TIAM2: variants seen among roughly 807,000 people sequenced by gnomAD.
TIAM2 encodes the protein rho guanine nucleotide exchange factor TIAM2.
TIAM2 carries 80 observed loss-of-function variants against 152.9 expected under a neutral mutation model. That is an observed-to-expected ratio of 0.52 (90% confidence interval 0.44 to 0.63). TIAM2 has a LOEUF of 0.63. Ranked by LOEUF, TIAM2 falls within the 30% of genes least tolerant of loss-of-function variation. TIAM2 has a pLI of 0.00. For missense variants in TIAM2, 1,965 were observed against 2,120.1 expected (o/e 0.93, Z 1.44); for synonymous variants, 804 against 838.0 (o/e 0.96, Z 0.70).
chr6:155,020,984 G>A (rs1335536515), intron 1 of TIAM2, among the ~76,000 whole-genome samples: 1 of 152,094 alleles, frequency 6.6e-6, no homozygotes, highest in Non-Finnish European at 1.5e-5. Flanking sequence ...TACAGTATTT[G>A]TTCTTTTGTG....
At chr6:155,235,726 TGTG>T (rs1400456255) in intron 15 of TIAM2, among the ~76,000 whole-genome samples, 1 of 152,236 alleles carries the variant, frequency 6.6e-6, no homozygotes, top group Non-Finnish European at 1.5e-5. Context: ...AACACTTAAT[TGTG>T]GTACTTTAAG....
At chr6:155,084,656 C>T (rs1219983339) in intron 1 of TIAM2, among the ~76,000 whole-genome samples, 1 of 152,160 alleles carries the variant, frequency 6.6e-6, no homozygotes, top group Non-Finnish European at 1.5e-5. Flanking sequence ...GCTTACAGTA[C>T]TCAGTAAATA....
intron 1 of TIAM2, among the ~76,000 whole-genome samples, chr6:155,000,469 T>TGTG (rs1369893450): frequency 1.4e-5 from 2 of 144,620 alleles, no homozygotes; most frequent in African/African-American, 5.1e-5. Flanking sequence ...AGGCAGAGGT[T>TGTG]GTGGTGAGCT....
intron 7 of TIAM2, among the ~76,000 whole-genome samples, chr6:155,154,094 T>C (rs761086529): frequency 2.0e-5 from 3 of 152,218 alleles, no homozygotes; most frequent in Non-Finnish European, 2.9e-5. Context: ...CTCCAAAATA[T>C]TCCCTAAGCA....
intron 4 of TIAM2, among the ~76,000 whole-genome samples, chr6:155,133,411 A>G (rs1478317946): frequency 6.6e-6 from 1 of 152,116 alleles, no homozygotes; most frequent in Non-Finnish European, 1.5e-5. Flanking sequence ...AGGAATTAGA[A>G]TTTTATTATT....
intron 1 of TIAM2, among the ~76,000 whole-genome samples, chr6:155,081,768 G>A (rs575433951): frequency 1.2e-4 from 18 of 152,306 alleles, no homozygotes; most frequent in Admixed American, 4.6e-4. Context: ...ATGTGTGAAT[G>A]TTTCTTTCTT....
chr6:155,067,785 G>A (rs1021458803), intron 1 of TIAM2, among the ~76,000 whole-genome samples: 1 of 152,038 alleles, frequency 6.6e-6, no homozygotes, highest in African/African-American at 2.4e-5. Context: ...GGGACTACAG[G>A]TATGCACCAC....
chr6:155,088,444 C>T (rs764599205), intron 1 of TIAM2, among the ~76,000 whole-genome samples: 55 of 152,194 alleles, frequency 3.6e-4, no homozygotes, highest in Non-Finnish European at 6.3e-4. Context: ...CAATAGTGAC[C>T]ATTTACACTG....
rs1178984984 is a variant in TIAM2 at position 155,029,103 on chromosome 6, ATG to A, written c.-209+33615_-209+33616del. 8.8e-4 allele frequency among the ~76,000 whole-genome samples: 105 copies of A among 118,924 alleles called. 12 individuals are homozygous for A. Among genetic ancestry groups the A allele is most frequent in the African/African-American group, 3.2e-3 (100 of 31,282 alleles). The allele number at this position is 118,924 out of a possible 152,430, so 78.0% of individuals were successfully genotyped here. The stretch of plus-strand genomic sequence containing the variant: ...CTGTTATATATACACTGTATATACT[ATG>A]TGTTATATATACACTGTATGTACTA... On this transcript the variant is annotated intron_variant, in intron 1 of 26. Coordinates refer to ENST00000682666, the MANE Select transcript of TIAM2 (RefSeq NM_012454.4).
At chr6:155,199,070 T>G (rs1225096524) in intron 14 of TIAM2, among the ~76,000 whole-genome samples, 1 of 38,582 alleles carries the variant, frequency 2.6e-5, no homozygotes, top group Non-Finnish European at 1.5e-4. Flanking sequence ...AACTTCTTTA[T>G]TTTTTTTTTT....
intron 1 of TIAM2, among the ~76,000 whole-genome samples, chr6:155,073,713 G>A (rs1245894946): frequency 2.0e-5 from 3 of 152,076 alleles, no homozygotes; most frequent in African/African-American, 4.8e-5. Context: ...GCTTAACAGC[G>A]AGCTACCCCG....
intron 15 of TIAM2, among the ~76,000 whole-genome samples, chr6:155,226,677 G>T (rs1782259522): frequency 6.6e-6 from 1 of 151,508 alleles, no homozygotes; most frequent in Admixed American, 6.6e-5. Flanking sequence ...GGTGGGGGCG[G>T]GGGGCAGGGA....
chr6:155,096,955 C>G (rs116442219), intron 2 of TIAM2, among the ~76,000 whole-genome samples: 2 of 152,166 alleles, frequency 1.3e-5, no homozygotes, highest in African/African-American at 4.8e-5. Context: ...TGTACTAATT[C>G]GCATTCCTTC....
intron 1 of TIAM2, among the ~76,000 whole-genome samples, chr6:155,011,929 A>T (rs1016929899): frequency 6.6e-6 from 1 of 152,140 alleles, no homozygotes; most frequent in Non-Finnish European, 1.5e-5. Flanking sequence ...AATGTTAACG[A>T]GAGGCTCAGC....
intron 23 of TIAM2, 112 bp from the exon 24 acceptor site, chr6:155,252,836 G>A: frequency 1.1e-6 from 1 of 920,962 alleles, no homozygotes; most frequent in Non-Finnish European, 1.7e-6. Flanking sequence ...CACCCACATG[G>A]CTGCTCGGAG....
chr6:155,012,614 G>A (rs911356072), intron 1 of TIAM2, among the ~76,000 whole-genome samples: 3 of 152,150 alleles, frequency 2.0e-5, no homozygotes, highest in Non-Finnish European at 2.9e-5. Context: ...GCAGTGGCGT[G>A]ATCTTGGCTC....
chr6:155,156,697 C>T lies in TIAM2; in HGVS notation c.2029-7718C>T. Among the ~76,000 whole-genome samples the T allele has an allele frequency of 6.6e-6, 1 of 152,048 alleles. No homozygotes were observed. Among genetic ancestry groups the T allele is most frequent in the East Asian group, 1.9e-4 (1 of 5,194 alleles). On this transcript the variant is annotated intron_variant, in intron 7 of 26. Coordinates refer to ENST00000682666, the MANE Select transcript of TIAM2 (RefSeq NM_012454.4). The surrounding 1 kb of genome is among the most constrained non-coding windows in gnomAD (Gnocchi z 4.4). The stretch of plus-strand genomic sequence containing the variant: ...AAATAAAGTAAAAAAATAAAAAGCA[C>T]ATGTGATCCTGTGATTGCCAGATAA...
chr6:155,092,174 C>T (rs1181718204), intron 2 of TIAM2, among the ~76,000 whole-genome samples: 4 of 147,770 alleles, frequency 2.7e-5, no homozygotes, highest in African/African-American at 1.0e-4. Flanking sequence ...GCTGGGATTA[C>T]AGGCGTAATC....
At chr6:155,146,480 A>G (rs1318989398) in intron 6 of TIAM2, among the ~76,000 whole-genome samples, 2 of 152,224 alleles carry the variant, frequency 1.3e-5, no homozygotes, top group African/African-American at 4.8e-5. Flanking sequence ...GGTTATTTCT[A>G]GACATCAAGA....
Sources: allele counts gnomAD v4.1 joint callset (sites outside exome capture counted in the v4.1 genomes callset), GRCh38; gene constraint gnomAD v4.1.1; non-coding constraint Gnocchi (gnomAD v3.1); transcripts MANE v1.5; gene names NCBI Gene and HGNC (gene_info 2026-07-23, HGNC 2026-07-21).